The following ADAM23 variants were observed in gnomAD, a reference collection of about 807,000 sequenced individuals.
ADAM23 encodes disintegrin and metalloproteinase domain-containing protein 23.
Under a neutral mutation model 120.1 loss-of-function variants are expected in ADAM23, and 33 were observed. The ratio of observed to expected loss-of-function variants is 0.27; its 90% CI spans 0.21 to 0.37. The LOEUF (loss-of-function observed/expected upper bound fraction) is 0.37. Among genes scored for constraint, ADAM23 ranks in the 10% least tolerant of loss-of-function variants. ADAM23 has a pLI of 1.00. For synonymous variants in ADAM23, 367 were observed against 375.2 expected (o/e 0.98, Z 0.25); for missense variants, 862 against 1,058.2 (o/e 0.81, Z 2.57).
At chr2:206,593,123 G>A (rs1698457762) in intron 22 of ADAM23, among the ~76,000 whole-genome samples, 1 of 152,138 alleles carries the variant, frequency 6.6e-6, no homozygotes, top group African/African-American at 2.4e-5. Context: ...AGTTTATGAA[G>A]TGTATGTCTG....
At chr2:206,606,806 A>G (rs1698737051) in intron 24 of ADAM23, 1 of 152,210 alleles carries the variant, frequency 6.6e-6, no homozygotes, top group Non-Finnish European at 1.5e-5. Flanking sequence ...ATATTTAAGA[A>G]TGGCAGACAT....
At chr2:206,578,360 T>C (rs1409862309) in intron 18 of ADAM23, among the ~76,000 whole-genome samples, 1 of 144,198 alleles carries the variant, frequency 6.9e-6, no homozygotes, top group African/African-American at 2.5e-5. Context: ...CCCTCCCCAA[T>C]TCCCCCCAAG....
At chr2:206,499,191 G>A (rs1351932196) in intron 3 of ADAM23, among the ~76,000 whole-genome samples, 1 of 151,778 alleles carries the variant, frequency 6.6e-6, no homozygotes, top group Non-Finnish European at 1.5e-5. Context: ...AAAGACACAT[G>A]CACACGTATG....
intron 4 of ADAM23, 42 bp from the exon 5 acceptor site, chr2:206,542,010 T>A: frequency 6.3e-7 from 1 of 1,593,654 alleles, no homozygotes; most frequent in African/African-American, 1.3e-5. Context: ...GAATTAATCA[T>A]AATGCATAAA....
At position 206,550,112 on chromosome 2, in the gene ADAM23, T is replaced by C. The variant is rs774697917; in HGVS notation, c.885T>C (p.Phe295=). ...KRAVNPSRGI[F]EEMKYLELMI... The stretch of plus-strand genomic sequence containing the variant: ...TTCCGTAGCCATCACGTGGTATATT[T>C]GAAGAAATGAAATATTTGGAACTTA... Residue 295 remains phenylalanine, a synonymous_variant, in exon 9 of 26, where the codon TTT becomes TTC. Transcript: ENST00000264377. 2 of 1,578,334 alleles carry C rather than the reference T, an allele frequency of 1.3e-6. No homozygotes were observed. Among genetic ancestry groups the C allele is most frequent in the Admixed American group, 3.4e-5 (2 of 58,654 alleles).
intron 10 of ADAM23, among the ~76,000 whole-genome samples, chr2:206,557,750 T>G (rs1307807155): frequency 6.6e-6 from 1 of 152,140 alleles, no homozygotes; most frequent in Non-Finnish European, 1.5e-5. Flanking sequence ...TTGCCCCCAG[T>G]CTGTGGAGGA....
chr2:206,596,813 G>C (rs1045133972), intron 24 of ADAM23, among the ~76,000 whole-genome samples: 1 of 151,642 alleles, frequency 6.6e-6, no homozygotes, highest in Non-Finnish European at 1.5e-5. Flanking sequence ...TAGTCACCCA[G>C]GTAGTGAGAG....
intron 3 of ADAM23, among the ~76,000 whole-genome samples, chr2:206,530,584 C>G (rs1293855788): frequency 2.7e-5 from 4 of 149,122 alleles, no homozygotes; most frequent in African/African-American, 9.9e-5. Flanking sequence ...CTACTGCACT[C>G]CAGCCTGGGC....
intron 9 of ADAM23, among the ~76,000 whole-genome samples, chr2:206,551,631 T>C (rs1157173399): frequency 1.3e-5 from 2 of 152,208 alleles, no homozygotes; most frequent in Non-Finnish European, 2.9e-5. Flanking sequence ...ATGATAAGGT[T>C]GTGCTTCATG....
chr2:206,445,367 C>T lies in ADAM23; in HGVS notation c.275C>T (p.Thr92Ile). ...GGAGTCCTGGCAGATGAAGACAATA[C>T]ATTGCAACAGAATAGCAGCAGTAAT... ...NLGVLADEDNTLQQNSSSNIS... is the reference protein window; with the variant it reads ...NLGVLADEDNILQQNSSSNIS... Residue 92 changes from threonine (T) to isoleucine (I), a missense_variant, in exon 2 of 26, where the codon ACA becomes ATA. Physicochemically the swap from Thr to Ile is moderately conservative, Grantham distance 89. This residue lies in a region of ADAM23 where 225 missense variants were observed against 204.0 expected (regional missense o/e 1.10). Transcript: ENST00000264377. The T allele has an allele frequency of 6.2e-7, 1 of 1,613,922 alleles. No individual in the cohort carries two copies. Among genetic ancestry groups the T allele is most frequent in the Non-Finnish European group, 8.5e-7 (1 of 1,179,934 alleles).
intron 25 of ADAM23, among the ~76,000 whole-genome samples, chr2:206,615,439 A>G (rs1328856156): frequency 1.3e-5 from 2 of 152,140 alleles, no homozygotes; most frequent in East Asian, 3.8e-4. Context: ...CTGAAAGAAT[A>G]TTTTTTTCAT....
At position 206,557,408 on chromosome 2, in the gene ADAM23, G is replaced by C. The variant is rs1470703272; in HGVS notation, c.934-19G>C. The stretch of plus-strand genomic sequence containing the variant: ...TTCACTTATGATTTGGCAGTGACTG[G>C]TATGTATTTCCCCCCTAGTATAAGA... On this transcript the variant is annotated intron_variant, in intron 9 of 25. Coordinates refer to ENST00000264377, the MANE Select transcript of ADAM23 (RefSeq NM_003812.4). 1.3e-6 allele frequency: 2 copies of C among 1,598,328 alleles called. No individual in the cohort carries two copies. The highest frequency in any genetic ancestry group is 1.7e-6 in the Non-Finnish European group (2 of 1,166,068).
chr2:206,581,583 A>G (rs1304376688), intron 18 of ADAM23, among the ~76,000 whole-genome samples: 1 of 152,056 alleles, frequency 6.6e-6, no homozygotes, highest in Non-Finnish European at 1.5e-5. Flanking sequence ...GATCTGAGAG[A>G]GTGCTTGATG....
intron 24 of ADAM23, among the ~76,000 whole-genome samples, chr2:206,600,358 G>A (rs1282599815): frequency 6.6e-6 from 1 of 152,192 alleles, no homozygotes; most frequent in African/African-American, 2.4e-5. Context: ...ATCCATAGAT[G>A]AAGGTTTTCT....
intron 3 of ADAM23, among the ~76,000 whole-genome samples, chr2:206,488,874 G>C (rs73054225): frequency 1.3e-4 from 20 of 152,088 alleles, no homozygotes; most frequent in African/African-American, 4.1e-4. Flanking sequence ...AAGCCCAAAA[G>C]CACCAAACTC....
At chr2:206,564,154 A>T (rs756067591) in intron 13 of ADAM23, among the ~76,000 whole-genome samples, 4 of 152,106 alleles carry the variant, frequency 2.6e-5, no homozygotes, top group Non-Finnish European at 4.4e-5. Flanking sequence ...CTATATAGGT[A>T]TATATAGATA....
At chr2:206,504,627 A>G (rs1696458378) in intron 3 of ADAM23, among the ~76,000 whole-genome samples, 1 of 152,216 alleles carries the variant, frequency 6.6e-6, no homozygotes, top group South Asian at 2.1e-4. Context: ...TTTTAGCAAA[A>G]TAACTTCAGA....
intron 3 of ADAM23, among the ~76,000 whole-genome samples, chr2:206,502,805 A>G (rs1189960523): frequency 6.6e-6 from 1 of 152,168 alleles, no homozygotes; most frequent in Non-Finnish European, 1.5e-5. Context: ...TACTAAAAAT[A>G]GTGTTATGCT....
At chr2:206,505,822 A>T (rs1360250018) in intron 3 of ADAM23, among the ~76,000 whole-genome samples, 1 of 152,200 alleles carries the variant, frequency 6.6e-6, no homozygotes, top group Non-Finnish European at 1.5e-5. Context: ...TTGAATGTTA[A>T]GTTGTACATA....
Sources: gnomAD v4.1 joint callset for allele counts (sites outside exome capture counted in the v4.1 genomes callset) on GRCh38, gnomAD v4.1.1 for gene constraint, gnomAD v4.1.1 regional missense constraint, MANE v1.5 for transcripts, NCBI Gene and HGNC (gene_info 2026-07-23, HGNC 2026-07-21) for gene names.